TSC22D1: variants seen among roughly 807,000 people sequenced by gnomAD.
The protein encoded by TSC22D1 is TSC22 domain family protein 1.
Under a neutral mutation model 74.2 loss-of-function variants are expected in TSC22D1, and 9 were observed. The observed-to-expected ratio is 0.12, with a 90% confidence interval of 0.07 to 0.21. The LOEUF is 0.21. Ranked by LOEUF, TSC22D1 falls within the 10% of genes least tolerant of loss-of-function variation. TSC22D1 has a pLI of 1.00. For missense variants in TSC22D1, 1,427 were observed against 1,304.7 expected (o/e 1.09, Z -1.44); for synonymous variants, 586 against 492.5 (o/e 1.19, Z -2.51).
Position 44,468,175 on chromosome 13 carries a change from G to C in TSC22D1, c.2913-32080C>G, listed in dbSNP as rs528177818. Among the ~76,000 whole-genome samples, 28 of 152,234 alleles carry C rather than the reference G, an allele frequency of 1.8e-4. No individual in the cohort carries two copies. In the East Asian group the frequency reaches 4.6e-3, roughly 25 times the overall value. ...CCTATAAACATGAGCTAAGCCATGG[G>C]TATGCAAAGGCATACAGAGTTGTAT... On this transcript the variant is annotated intron_variant, in intron 1 of 2. Coordinates refer to ENST00000458659, the MANE Select transcript of TSC22D1 (RefSeq NM_183422.4).
intron 1 of TSC22D1, among the ~76,000 whole-genome samples, chr13:44,492,025 C>A (rs926231483): frequency 7.2e-5 from 11 of 152,154 alleles, no homozygotes; most frequent in Non-Finnish European, 1.3e-4. Context: ...CTGGAAACAA[C>A]CCTAAATGCC....
chr13:44,575,418 G>A lies in TSC22D1; in HGVS notation c.657C>T (p.His219=), dbSNP rs545713498. ...VVINGNAHPH[H]LHHHHQIHHG... Reference sequence around the variant, plus strand: ...GATGAATCTGATGGTGGTGATGGAGGTGGTGTGGATGAGCATTCCCATTGA... The same window carrying A: ...GATGAATCTGATGGTGGTGATGGAGATGGTGTGGATGAGCATTCCCATTGA... Residue 219 remains histidine (H), a synonymous_variant, in exon 1 of 3, where the codon CAC becomes CAT. Transcript: ENST00000458659. The A allele has an allele frequency of 7.0e-5, 113 of 1,614,062 alleles. 1 individual carries two copies. In the South Asian group the frequency reaches 1.2e-3, roughly 17 times the overall value.
chr13:44,556,112 T>C (rs945831291), intron 1 of TSC22D1, among the ~76,000 whole-genome samples: 1 of 152,074 alleles, frequency 6.6e-6, no homozygotes, highest in African/African-American at 2.4e-5. Flanking sequence ...TTAAGATACA[T>C]CTTTACTATT....
chr13:44,557,592 C>G (rs1882752020), intron 1 of TSC22D1, among the ~76,000 whole-genome samples: 1 of 152,116 alleles, frequency 6.6e-6, no homozygotes, highest in Non-Finnish European at 1.5e-5. Context: ...CAAGTGAGTT[C>G]ACAGGAAAAT....
At chr13:44,439,029 T>G (rs985405935) in intron 1 of TSC22D1, among the ~76,000 whole-genome samples, 2 of 152,216 alleles carry the variant, frequency 1.3e-5, no homozygotes, top group African/African-American at 4.8e-5. Context: ...ATTACTAAAT[T>G]AACTGAATTT....
Position 44,573,910 on chromosome 13 carries a change from G to C in TSC22D1, c.2165C>G (p.Ala722Gly), listed in dbSNP as rs1262725576. Residue 722 changes from alanine (A) to glycine (G), a missense_variant, in exon 1 of 3, where the codon GCT (alanine) becomes GGT (glycine). Around this residue, in one of 3 missense-constraint regions of TSC22D1, gnomAD observed 1,343 missense variants for 1,191.5 expected, o/e 1.13. Transcript: ENST00000458659. ...TGCAATCTGACTGCCAGTAGGTACA[G>C]CAGACACTGCTGCCGGAGCCTGGCC... ...PVGQAPAAVS[A>G]VPTGSQIANI... The C allele has an allele frequency of 1.2e-6, 2 of 1,614,060 alleles. No individual in the cohort carries two copies. Among genetic ancestry groups the C allele is most frequent in the African/African-American group, 1.3e-5 (1 of 74,946 alleles).
intron 1 of TSC22D1, among the ~76,000 whole-genome samples, chr13:44,461,065 A>T (rs1417813239): frequency 3.3e-5 from 5 of 152,238 alleles, no homozygotes; most frequent in African/African-American, 4.8e-5. Context: ...AATACTTTTA[A>T]ACCAAATTTA....
intron 1 of TSC22D1, among the ~76,000 whole-genome samples, chr13:44,507,309 G>A (rs1180378078): frequency 5.3e-5 from 8 of 152,136 alleles, no homozygotes; most frequent in Admixed American, 2.0e-4. Context: ...CTACAGTAGC[G>A]CAAGGTTCAA....
chr13:44,486,349 C>A (rs1343206650), intron 1 of TSC22D1, among the ~76,000 whole-genome samples: 2 of 151,994 alleles, frequency 1.3e-5, no homozygotes, highest in Non-Finnish European at 2.9e-5. Flanking sequence ...GTGGAATAAC[C>A]TTGTTAAATA....
At chr13:44,482,533 C>A (rs1328401084) in intron 1 of TSC22D1, among the ~76,000 whole-genome samples, 1 of 152,030 alleles carries the variant, frequency 6.6e-6, no homozygotes, top group Non-Finnish European at 1.5e-5. Flanking sequence ...AGTGAGACTC[C>A]ATCTCAAAAC....
chr13:44,574,052 C>T lies in TSC22D1; in HGVS notation c.2023G>A (p.Ala675Thr), dbSNP rs761769558. 6.2e-7 allele frequency: 1 copy of T among 1,614,198 alleles called. No homozygotes were observed. Among genetic ancestry groups the T allele is most frequent in the Non-Finnish European group, 8.5e-7 (1 of 1,180,056 alleles). ...TAMSSGQPSS[A>T]GVGAGTTVIP... ...ACTGTTGTTCCTGCTCCTACTCCTG[C>T]AGAACTGGGCTGTCCGGAGGACATT... The change falls in exon 1 of 3, where the codon GCA becomes ACA. Residue 675 changes from alanine (A) to threonine (T), a missense_variant. Coordinates refer to ENST00000458659, the MANE Select transcript of TSC22D1 (RefSeq NM_183422.4).
At chr13:44,547,685 C>T (rs1406211311) in intron 1 of TSC22D1, among the ~76,000 whole-genome samples, 1 of 152,112 alleles carries the variant, frequency 6.6e-6, no homozygotes, top group Non-Finnish European at 1.5e-5. Context: ...TGTATTAATA[C>T]CTTCACTTAC....
intron 1 of TSC22D1, among the ~76,000 whole-genome samples, chr13:44,553,642 A>C (rs567415661): frequency 6.6e-6 from 1 of 152,334 alleles, no homozygotes; most frequent in African/African-American, 2.4e-5. Context: ...TAGAGTATTA[A>C]CAAACTGCTA....
intron 1 of TSC22D1, among the ~76,000 whole-genome samples, chr13:44,541,986 T>C (rs1382304512): frequency 2.6e-5 from 4 of 152,144 alleles, no homozygotes; most frequent in African/African-American, 7.2e-5. Flanking sequence ...GACAAATTAT[T>C]CTTTTTCATA....
At chr13:44,501,125 A>T (rs1879204209) in intron 1 of TSC22D1, among the ~76,000 whole-genome samples, 2 of 152,184 alleles carry the variant, frequency 1.3e-5, no homozygotes, top group African/African-American at 2.4e-5. Flanking sequence ...AAGAATAGTG[A>T]TTTGGGACTA....
chr13:44,459,249 T>C (rs1408689617), intron 1 of TSC22D1, among the ~76,000 whole-genome samples: 1 of 152,142 alleles, frequency 6.6e-6, no homozygotes, highest in African/African-American at 2.4e-5. Flanking sequence ...CTGCTCGACT[T>C]GTGGGGAATG....
intron 1 of TSC22D1, among the ~76,000 whole-genome samples, chr13:44,517,825 G>GTATATATA (rs1312774694): frequency 5.2e-5 from 1 of 19,254 alleles, no homozygotes; most frequent in African/African-American, 1.6e-4. Context: ...GTGTGTGTGT[G>GTATATATA]TGTGTATATA....
intron 1 of TSC22D1, among the ~76,000 whole-genome samples, chr13:44,497,898 T>C (rs1879043530): frequency 6.6e-6 from 1 of 152,128 alleles, no homozygotes; most frequent in Admixed American, 6.6e-5. Context: ...CTCAAAATCT[T>C]TCCTTGTTCC....
chr13:44,474,289 C>T, intron 1 of TSC22D1: 1 of 985,356 alleles, frequency 1.0e-6, no homozygotes, highest in Non-Finnish European at 1.2e-6. Context: ...GGCCTCTCTT[C>T]CCACCCAGGC....
Sources: allele counts gnomAD v4.1 joint callset (sites outside exome capture counted in the v4.1 genomes callset), GRCh38; gene constraint gnomAD v4.1.1; regional missense constraint gnomAD v4.1.1; transcripts MANE v1.5; gene names NCBI Gene and HGNC (gene_info 2026-07-23, HGNC 2026-07-21).